Variants in EHD3 observed in about 807,000 individuals in gnomAD.
EHD3 encodes the protein EH domain containing 3.
EHD3 carries 17 observed loss-of-function variants against 43.0 expected under a neutral mutation model. The ratio of observed to expected loss-of-function variants is 0.40; its 90% CI spans 0.27 to 0.59. The LOEUF is 0.59. Among genes scored for constraint, EHD3 ranks in the 20% least tolerant of loss-of-function variants. EHD3 has a pLI of 0.49. For synonymous variants in EHD3, 313 were observed against 289.5 expected (o/e 1.08, Z -0.82); for missense variants, 594 against 705.6 (o/e 0.84, Z 1.79).
chr2:31,253,635 G>C (rs776811790), intron 3 of EHD3, among the ~76,000 whole-genome samples: 4 of 152,226 alleles, frequency 2.6e-5, no homozygotes, highest in Non-Finnish European at 5.9e-5. Flanking sequence ...AAGACCTCAG[G>C]CTTCACAGGA....
At chr2:31,252,783 C>T (rs989205114) in intron 3 of EHD3, among the ~76,000 whole-genome samples, 30 of 152,356 alleles carry the variant, frequency 2.0e-4, no homozygotes, top group African/African-American at 7.0e-4. Context: ...ATTGACTAAG[C>T]ACCAGGTCCC....
Position 31,249,460 on chromosome 2 carries a change from T to G in EHD3, c.494T>G (p.Ile165Ser). 6.2e-7 allele frequency: 1 copy of G among 1,614,052 alleles called. No individual in the cohort carries two copies. Reference sequence around the variant, plus strand: ...ATCCTCTCTGGGGAGAAGCAGAGGATCAGCCGGGGTAAGCAACCTGCCTGA... The same window carrying G: ...ATCCTCTCTGGGGAGAAGCAGAGGAGCAGCCGGGGTAAGCAACCTGCCTGA... ...PGILSGEKQRISRGYDFAAVL... is the reference protein window; with the variant it reads ...PGILSGEKQRSSRGYDFAAVL... The change falls in exon 3 of 6, where the codon ATC (isoleucine) becomes AGC (serine). Residue 165 changes from isoleucine to serine, a missense_variant. Ile to Ser is a moderately radical substitution (Grantham distance 142). Around this residue, in one of 3 missense-constraint regions of EHD3, gnomAD observed 243 missense variants for 296.7 expected, o/e 0.82. Transcript: ENST00000322054.
intron 2 of EHD3, among the ~76,000 whole-genome samples, chr2:31,247,436 G>C (rs1362329714): frequency 1.3e-5 from 2 of 152,146 alleles, no homozygotes; most frequent in Admixed American, 6.5e-5. Context: ...CTATTAAGGG[G>C]TCAGGAATCT....
At chr2:31,243,030 A>G (rs1177063324) in intron 1 of EHD3, among the ~76,000 whole-genome samples, 1 of 151,986 alleles carries the variant, frequency 6.6e-6, no homozygotes, top group African/African-American at 2.4e-5. Context: ...TAATCCCAGC[A>G]CTTTGAGAGG....
chr2:31,240,393 A>G (rs980406674), intron 1 of EHD3, among the ~76,000 whole-genome samples: 2 of 152,208 alleles, frequency 1.3e-5, no homozygotes, highest in Non-Finnish European at 2.9e-5. Context: ...GAGATTCCTC[A>G]ATAGATTTTT....
chr2:31,238,016 G>GT (rs1306358389), intron 1 of EHD3, among the ~76,000 whole-genome samples: 2 of 151,532 alleles, frequency 1.3e-5, no homozygotes, highest in African/African-American at 2.4e-5. Flanking sequence ...TTTTGTTTTT[G>GT]TTTTTTTGAG....
chr2:31,246,519 G>A (rs746803889), intron 2 of EHD3, among the ~76,000 whole-genome samples: 3 of 152,158 alleles, frequency 2.0e-5, no homozygotes, highest in Non-Finnish European at 4.4e-5. Flanking sequence ...AGGTTTAGTG[G>A]TTAATGCCAT....
At chr2:31,235,663 T>TG in intron 1 of EHD3, among the ~76,000 whole-genome samples, 1 of 152,266 alleles carries the variant, frequency 6.6e-6, no homozygotes, top group Non-Finnish European at 1.5e-5. Flanking sequence ...TGTGAGGAGA[T>TG]GCTTGGCTAA....
In EHD3 at chr2:31,234,232, G is replaced by C; in HGVS notation, c.-390G>C. On this transcript the variant is annotated 5_prime_UTR_variant, in exon 1 of 6. Transcript: ENST00000322054. ...GCCGCCTCGGTCCGGCAGGAGCGGA[G>C]CCGAAGCATCCCTTGCTGCACGCAG... The C allele has an allele frequency of 3.8e-6, 1 of 264,916 alleles. No individual in the cohort carries two copies. Among genetic ancestry groups the C allele is most frequent in the African/African-American group, 2.4e-5 (1 of 42,378 alleles). 16.4% of individuals were successfully genotyped at this position (264,916 alleles called of 1,614,324 possible).
Position 31,234,717 on chromosome 2 carries a change from G to A in EHD3, c.96G>A (p.Lys32=), listed in dbSNP as rs760138506. The part of the protein sequence containing the change: ...SEGLKKLYKS[K]LLPLEEHYRF... ...GGCTCAAGAAACTCTACAAGAGCAA[G>A]CTGCTGCCCTTGGAAGAGCATTACC... The change falls in exon 1 of 6, where the codon AAG becomes AAA. Residue 32 remains lysine, a synonymous_variant. Transcript: ENST00000322054. 5 of 1,614,224 alleles carry A rather than the reference G, an allele frequency of 3.1e-6. No homozygotes were observed. The South Asian group carries it at 5.5e-5, about 18-fold the overall frequency.
At chr2:31,263,961 T>G (rs1163924149) in intron 5 of EHD3, among the ~76,000 whole-genome samples, 1 of 152,218 alleles carries the variant, frequency 6.6e-6, no homozygotes, top group East Asian at 1.9e-4. Context: ...TGGGTTGTCA[T>G]GTGAAGGCAA....
chr2:31,247,669 C>G (rs1295265240), intron 2 of EHD3, among the ~76,000 whole-genome samples: 1 of 152,168 alleles, frequency 6.6e-6, no homozygotes, highest in South Asian at 2.1e-4. Flanking sequence ...GCCTTGGGCT[C>G]TATTCTGTGG....
intron 4 of EHD3, 48 bp from the exon 5 acceptor site, chr2:31,261,501 C>T (rs188283968): frequency 1.9e-6 from 3 of 1,600,350 alleles, no homozygotes; most frequent in Non-Finnish European, 2.6e-6. Flanking sequence ...AAGGAAGGGA[C>T]CGTCCAGGGT....
At chr2:31,245,745 T>TC (rs1367281127) in intron 2 of EHD3, among the ~76,000 whole-genome samples, 1 of 142,354 alleles carries the variant, frequency 7.0e-6, no homozygotes, top group Non-Finnish European at 1.5e-5. Flanking sequence ...GTTTTTTTTT[T>TC]TTTTTTTTTT....
intron 5 of EHD3, among the ~76,000 whole-genome samples, chr2:31,265,579 G>T (rs1225021794): frequency 6.6e-6 from 1 of 152,194 alleles, no homozygotes; most frequent in Non-Finnish European, 1.5e-5. Context: ...ATTTGGGGAT[G>T]ACCTTTGGCT....
Position 31,244,445 on chromosome 2 carries a change from G to C in EHD3, c.399G>C (p.Leu133Phe). ...TCAACGCCTTTGGCAACGCCTTCTT[G>C]AACAGGTGAGTGTGGAGGGAACACA... ...RKLNAFGNAF[L>F]NRFVCAQLPN... Residue 133 changes from leucine (L) to phenylalanine (F), a missense_variant, in exon 2 of 6, where the codon TTG becomes TTC. Coordinates refer to ENST00000322054, the MANE Select transcript of EHD3 (RefSeq NM_014600.3). The C allele has an allele frequency of 6.2e-7, 1 of 1,613,822 alleles. No individual in the cohort carries two copies. The highest frequency in any genetic ancestry group is 8.5e-7 in the Non-Finnish European group (1 of 1,179,922).
In EHD3 at chr2:31,234,270, G is replaced by A; in HGVS notation, c.-352G>A. ...TTGCTGCACGCAGGGCAGAGCAGGC[G>A]AGGGCTGGGGGCCGATCGGGGACCC... On this transcript the variant is annotated 5_prime_UTR_variant, in exon 1 of 6. Coordinates refer to ENST00000322054, the MANE Select transcript of EHD3 (RefSeq NM_014600.3). 5.9e-6 allele frequency: 2 copies of A among 340,572 alleles called. No homozygotes were observed. Among genetic ancestry groups the A allele is most frequent in the Non-Finnish European group, 1.1e-5 (2 of 178,996 alleles). The allele number at this position is 340,572 out of a possible 1,614,324, so 21.1% of individuals were successfully genotyped here.
intron 1 of EHD3, among the ~76,000 whole-genome samples, chr2:31,238,364 A>C (rs1266132701): frequency 6.6e-6 from 1 of 152,240 alleles, no homozygotes; most frequent in African/African-American, 2.4e-5. Context: ...TTTGCCCCTG[A>C]GGGTCCATCC....
At chr2:31,244,801 A>G (rs1683487825) in intron 2 of EHD3, among the ~76,000 whole-genome samples, 1 of 152,200 alleles carries the variant, frequency 6.6e-6, no homozygotes, top group African/African-American at 2.4e-5. Context: ...TTTGCATCCA[A>G]CTGGAAGGAG....
Sources: allele counts gnomAD v4.1 joint callset (sites outside exome capture counted in the v4.1 genomes callset), GRCh38; gene constraint gnomAD v4.1.1; regional missense constraint gnomAD v4.1.1; transcripts MANE v1.5; gene names NCBI Gene and HGNC (gene_info 2026-07-23, HGNC 2026-07-21).